Variants in CHRM2 observed in about 807,000 individuals in gnomAD.
The protein encoded by CHRM2 is muscarinic acetylcholine receptor M2.
In CHRM2, 8 loss-of-function variants were observed where a neutral mutation model predicts 25.0. The ratio of observed to expected loss-of-function variants is 0.32; its 90% CI spans 0.19 to 0.58. CHRM2 has a LOEUF of 0.58. Ranked by LOEUF, CHRM2 falls within the 20% of genes least tolerant of loss-of-function variation. The pLI is 0.88. For synonymous variants in CHRM2, 202 were observed against 205.7 expected, an observed-to-expected ratio of 0.98 and a Z score of 0.15; for missense variants, 440 against 567.1, an observed-to-expected ratio of 0.78 and a Z score of 2.28.
chr7:136,985,253 T>C (rs1802769710), intron 2 of CHRM2, among the ~76,000 whole-genome samples: 1 of 152,134 alleles, frequency 6.6e-6, no homozygotes, highest in Admixed American at 6.5e-5. Flanking sequence ...GGCTCACGCC[T>C]GTAATCCCAG....
chr7:136,952,010 T>C (rs962357325), intron 2 of CHRM2, among the ~76,000 whole-genome samples: 50 of 152,282 alleles, frequency 3.3e-4, no homozygotes, highest in African/African-American at 1.0e-3. Context: ...CCCTGTTATA[T>C]GTACAGGATT....
intron 2 of CHRM2, among the ~76,000 whole-genome samples, chr7:136,968,723 T>TAA (rs1215318856): frequency 8.3e-6 from 1 of 120,372 alleles, no homozygotes; most frequent in African/African-American, 2.9e-5. Context: ...TTATCATAAA[T>TAA]ATATATATAT....
At chr7:136,989,580 T>C (rs1398286743) in intron 2 of CHRM2, among the ~76,000 whole-genome samples, 5 of 152,198 alleles carry the variant, frequency 3.3e-5, no homozygotes, top group African/African-American at 7.2e-5. Context: ...CCACTAGTCA[T>C]AGGAATATGT....
chr7:136,910,800 A>AGTGTGTGTGTGTGTGT (rs71533718), intron 2 of CHRM2, among the ~76,000 whole-genome samples: 36 of 145,676 alleles, frequency 2.5e-4, no homozygotes, highest in African/African-American at 6.3e-4. Flanking sequence ...TTTAAAATTA[A>AGTGTGTGTGTGTGTGT]GTGTGTGTGT....
intron 2 of CHRM2, among the ~76,000 whole-genome samples, chr7:136,909,788 ATAAC>A (rs1469207073): frequency 2.0e-5 from 3 of 151,954 alleles, no homozygotes; most frequent in East Asian, 1.9e-4. Flanking sequence ...TATTTCTTAT[ATAAC>A]TAACACAAAT....
chr7:137,008,111 T>C (rs576115666), intron 3 of CHRM2, among the ~76,000 whole-genome samples: 2 of 152,250 alleles, frequency 1.3e-5, no homozygotes, highest in South Asian at 2.1e-4. Context: ...CATTGGATTA[T>C]TATACAACAT....
At chr7:137,003,473 TACACACACACACACACACACACAC>T (rs57626583) in intron 3 of CHRM2, among the ~76,000 whole-genome samples, 39,782 of 136,902 alleles carry the variant, frequency 0.29, 6,116 homozygotes, top group Middle Eastern at 0.43. Context: ...CATGCATGCA[TACACACACACACACACACACACAC>T]ACACACACAC....
rs549706654 is a variant in CHRM2, at chr7:136,945,389, C to T, written c.-124-46798C>T. On this transcript the variant is annotated intron_variant, in intron 2 of 3. Transcript: ENST00000680005. ...TCTTAGATTTAAGTCTTTGATCCAT[C>T]GTGAGTTGCTTTTAGTGTACGGTGA... Among the ~76,000 whole-genome samples the T allele has an allele frequency of 2.0e-3, 299 of 152,120 alleles. 3 individuals carry two copies. The highest frequency in any genetic ancestry group is 3.4e-3 in the Non-Finnish European group (234 of 67,978).
At chr7:137,003,658 A>G (rs898195722) in intron 3 of CHRM2, among the ~76,000 whole-genome samples, 1 of 152,022 alleles carries the variant, frequency 6.6e-6, no homozygotes, top group Non-Finnish European at 1.5e-5. Flanking sequence ...GTTATCTTAG[A>G]AGTCCAGGTG....
At chr7:136,927,333 A>C (rs900497269) in intron 2 of CHRM2, among the ~76,000 whole-genome samples, 9 of 152,156 alleles carry the variant, frequency 5.9e-5, no homozygotes, top group African/African-American at 1.9e-4. Flanking sequence ...CCAAGTGACT[A>C]TGTGACCTTA....
chr7:136,938,501 T>TA (rs1039714939), intron 2 of CHRM2: 8 of 1,029,278 alleles, frequency 7.8e-6, no homozygotes, highest in Non-Finnish European at 1.2e-5. Flanking sequence ...ACCTCTAGGA[T>TA]AAGGGGGCTC....
At chr7:136,991,866 C>T (rs535092495) in intron 2 of CHRM2, among the ~76,000 whole-genome samples, 5 of 152,248 alleles carry the variant, frequency 3.3e-5, no homozygotes, top group African/African-American at 1.2e-4. Context: ...GGTTACAATA[C>T]TTACTATTAT....
intron 2 of CHRM2, among the ~76,000 whole-genome samples, chr7:136,982,330 C>T (rs1280216297): frequency 1.3e-5 from 2 of 152,104 alleles, no homozygotes; most frequent in African/African-American, 4.8e-5. Context: ...TTTGAGCCTA[C>T]GTGTGTCTTT....
chr7:136,982,814 G>C (rs566258998), intron 2 of CHRM2, among the ~76,000 whole-genome samples: 1 of 152,290 alleles, frequency 6.6e-6, no homozygotes, highest in East Asian at 1.9e-4. Context: ...GAGATCTGTT[G>C]TTAGTCTGAT....
chr7:137,014,838 TA>T lies in CHRM2; in HGVS notation c.-27del. 1 of 1,587,454 alleles carries T rather than the reference TA, an allele frequency of 6.3e-7. No homozygotes were observed. Among genetic ancestry groups the T allele is most frequent in the Non-Finnish European group, 8.6e-7 (1 of 1,156,526 alleles). On this transcript the variant is annotated 5_prime_UTR_variant, in exon 4 of 4. An upstream open reading frame in the 5' UTR loses its in-frame stop. Coordinates refer to ENST00000680005, the MANE Select transcript of CHRM2 (RefSeq NM_001006630.2). ...CTTGCAGGTTTAAATGTTTATTTGC[TA>T]CTTGGCTACTGATTAGAGAACGCAA... is the stretch of plus-strand genomic sequence containing the variant.
chr7:136,957,977 T>A (rs1800822850), intron 2 of CHRM2, among the ~76,000 whole-genome samples: 1 of 152,228 alleles, frequency 6.6e-6, no homozygotes, highest in African/African-American at 2.4e-5. Context: ...CATTTGATCA[T>A]CTGATTTTGA....
chr7:137,006,650 A>G (rs1196717849), intron 3 of CHRM2, among the ~76,000 whole-genome samples: 1 of 151,956 alleles, frequency 6.6e-6, no homozygotes, highest in Admixed American at 6.6e-5. Context: ...ATTTTCTTTT[A>G]CATTTTTTTT....
At chr7:136,877,024 C>T (rs886327304) in intron 2 of CHRM2, among the ~76,000 whole-genome samples, 4 of 151,918 alleles carry the variant, frequency 2.6e-5, no homozygotes, top group African/African-American at 9.7e-5. Flanking sequence ...TTAACCAGCC[C>T]CTTCCATGAT....
intron 2 of CHRM2, among the ~76,000 whole-genome samples, chr7:136,954,315 A>C (rs1271472363): frequency 1.3e-5 from 2 of 152,172 alleles, no homozygotes; most frequent in African/African-American, 4.8e-5. Flanking sequence ...GTAGGTACAC[A>C]CATGTGTTTA....
Sources: gnomAD v4.1 joint callset for allele counts (sites outside exome capture counted in the v4.1 genomes callset) on GRCh38, gnomAD v4.1.1 for gene constraint, MANE v1.5 for transcripts, NCBI Gene and HGNC (gene_info 2026-07-23, HGNC 2026-07-21) for gene names.